Variants in EGFLAM observed in about 807,000 individuals in gnomAD.
EGFLAM encodes EGF like, fibronectin type III and laminin G domains, also known as pikachurin.
In EGFLAM, 79 loss-of-function variants were observed where a neutral mutation model predicts 113.1. The ratio of observed to expected loss-of-function variants is 0.70; its 90% CI spans 0.58 to 0.84. The LOEUF (loss-of-function observed/expected upper bound fraction) is 0.84, where lower values mean the gene tolerates loss of function less well. EGFLAM is among the 40% of genes least tolerant of loss of function. The pLI, the probability that EGFLAM is intolerant of heterozygous loss-of-function variation, is 0.00. For missense variants in EGFLAM, 1,265 were observed against 1,291.6 expected (o/e 0.98, Z 0.32); for synonymous variants, 504 against 487.6 (o/e 1.03, Z -0.44).
chr5:38,427,382 T>C, intron 14 of EGFLAM, 130 bp downstream of exon 14: 1 of 1,416,274 alleles, frequency 7.1e-7, no homozygotes, highest in East Asian at 2.3e-5. Context: ...CTTCTGAAAC[T>C]TGTCCTGACT....
At position 38,462,952 on chromosome 5, in the gene EGFLAM, G is replaced by A; in HGVS notation, c.2816G>A (p.Arg939Lys). Residue 939 changes from arginine to lysine, a missense_variant, in exon 21 of 22, where the codon AGA becomes AAA. Coordinates refer to ENST00000322350, the MANE Select transcript of EGFLAM (RefSeq NM_152403.4). ...GKITVDDYGA[R>K]TGKSPGMMRQ... ...ATAACCGTGGATGACTATGGAGCCA[G>A]AACAGGCAAATCCCCAGGCATGATG... 1 of 1,614,172 alleles carries A rather than the reference G, an allele frequency of 6.2e-7. No individual in the cohort carries two copies.
chr5:38,268,272 A>T (rs1370947340), intron 1 of EGFLAM, among the ~76,000 whole-genome samples: 1 of 152,174 alleles, frequency 6.6e-6, no homozygotes, highest in Non-Finnish European at 1.5e-5. Flanking sequence ...CCTTTCTAGG[A>T]AGCCCACCTC....
intron 1 of EGFLAM, among the ~76,000 whole-genome samples, chr5:38,298,418 A>G (rs1758498333): frequency 6.6e-6 from 1 of 152,148 alleles, no homozygotes; most frequent in Non-Finnish European, 1.5e-5. Flanking sequence ...CTGTACAAAT[A>G]GCTCCCTCAC....
At chr5:38,324,060 A>G (rs1433370379) in intron 1 of EGFLAM, among the ~76,000 whole-genome samples, 1 of 151,918 alleles carries the variant, frequency 6.6e-6, no homozygotes, top group African/African-American at 2.4e-5. Context: ...AAAAAAAAAA[A>G]AAAGCTTTAC....
intron 7 of EGFLAM, 151 bp downstream of exon 7, chr5:38,406,392 C>G: frequency 1.4e-6 from 1 of 700,106 alleles, no homozygotes. Flanking sequence ...TGATCAGTCT[C>G]CAGGTGCTGA....
chr5:38,356,972 C>T (rs112854898), intron 5 of EGFLAM, among the ~76,000 whole-genome samples: 2,834 of 152,244 alleles, frequency 0.019, 97 homozygotes, highest in African/African-American at 0.066. Context: ...GAGGGCAGAG[C>T]CCTCAGGAAT....
chr5:38,315,003 T>A (rs910738937), intron 1 of EGFLAM, among the ~76,000 whole-genome samples: 14 of 152,226 alleles, frequency 9.2e-5, no homozygotes, highest in African/African-American at 3.4e-4. Flanking sequence ...TCATTTGCTA[T>A]AATAGCCAAC....
intron 1 of EGFLAM, among the ~76,000 whole-genome samples, chr5:38,324,997 T>G (rs1166081676): frequency 1.3e-5 from 2 of 152,206 alleles, no homozygotes; most frequent in Non-Finnish European, 2.9e-5. Flanking sequence ...ATGTGGAATT[T>G]GAGAGGCCCA....
In EGFLAM at chr5:38,323,115, C is replaced by T. The variant is rs116821805; in HGVS notation, c.98-14405C>T. On this transcript the variant is annotated intron_variant, in intron 1 of 21. Transcript: ENST00000322350. ...TAGTTAGTCTGGGCATTCTCTATTG[C>T]ATCAGTGAATGTAACTTGGTTCTTT... Among the ~76,000 whole-genome samples the T allele has an allele frequency of 5.6e-3, 859 of 152,292 alleles. 10 individuals carry two copies. The highest frequency in any genetic ancestry group is 0.02 in the African/African-American group (828 of 41,562).
chr5:38,412,693 C>T (rs756384080), intron 11 of EGFLAM, 45 bp downstream of exon 11: 6 of 1,599,102 alleles, frequency 3.8e-6, no homozygotes, highest in Admixed American at 1.7e-5. Flanking sequence ...TACCACCCAC[C>T]ATAAGTCTCC....
intron 14 of EGFLAM, 122 bp from the exon 15 acceptor site, chr5:38,431,055 C>T: frequency 1.2e-6 from 1 of 805,958 alleles, no homozygotes. Context: ...GATTCAGATG[C>T]TCATCTCTAC....
rs543782279 is a variant in EGFLAM, at chr5:38,350,502, A to G, written c.293A>G (p.Glu98Gly). 5.2e-5 allele frequency: 84 copies of G among 1,613,678 alleles called. No homozygotes were observed. In the South Asian group the frequency reaches 7.9e-4, roughly 15 times the overall value. ...TCTTTCTTGTTTGGTCATTGACAGG[A>G]GGAAGTGATTGGAGATTTGAAACCA... ...VPLSRDIPTT[E>G]EVIGDLKPGT... The change falls in exon 4 of 22, where the codon GAG (glutamate) becomes GGG (glycine). Residue 98 changes from glutamate (E) to glycine (G), a missense_variant and splice_region_variant. By Grantham distance (98) the Glu-to-Gly change is moderately conservative. Coordinates refer to ENST00000322350, the MANE Select transcript of EGFLAM (RefSeq NM_152403.4).
At chr5:38,284,037 G>A (rs1758090161) in intron 1 of EGFLAM, 1 of 152,370 alleles carries the variant, frequency 6.6e-6, no homozygotes, top group Admixed American at 6.5e-5. Context: ...TGAAGACAGT[G>A]CATTTGTACA....
intron 1 of EGFLAM, among the ~76,000 whole-genome samples, chr5:38,325,499 CAAAG>C (rs1418745494): frequency 7.2e-5 from 11 of 152,248 alleles, no homozygotes; most frequent in Middle Eastern, 3.4e-3. Flanking sequence ...ATTTAGCAAC[CAAAG>C]AAAGATGATT....
chr5:38,448,179 A>G, intron 17 of EGFLAM, 122 bp from the exon 18 acceptor site: 2 of 1,059,940 alleles, frequency 1.9e-6, no homozygotes, highest in South Asian at 1.4e-5. Context: ...GCCGAAGGGA[A>G]GGGGCTGATG....
At chr5:38,377,927 T>C (rs1378193619) in intron 6 of EGFLAM, among the ~76,000 whole-genome samples, 1 of 152,194 alleles carries the variant, frequency 6.6e-6, no homozygotes, top group Non-Finnish European at 1.5e-5. Flanking sequence ...ACTTGATCAT[T>C]ATAATAAGCA....
chr5:38,385,654 ACACT>A lies in EGFLAM; in HGVS notation c.712+15196_712+15199del, dbSNP rs376917876. ...GTGCATATGTGCAAATGTGTCACAGACACTCACAGTACTCACCATTGCTAAATGC... is the reference window on the plus strand; with the variant it reads ...GTGCATATGTGCAAATGTGTCACAGACACAGTACTCACCATTGCTAAATGC... On this transcript the variant is annotated intron_variant, in intron 6 of 21. Transcript: ENST00000322350. Among the ~76,000 whole-genome samples the A allele has an allele frequency of 5.4e-4, 83 of 152,308 alleles. 4 individuals carry two copies. The South Asian group carries it at 0.015, about 27-fold the overall frequency.
chr5:38,310,404 A>T (rs1339886335), intron 1 of EGFLAM, among the ~76,000 whole-genome samples: 2 of 152,198 alleles, frequency 1.3e-5, no homozygotes, highest in Non-Finnish European at 2.9e-5. Context: ...TGAGGTGACT[A>T]TGAAGATTAA....
At chr5:38,383,990 C>CTGA (rs1204430205) in intron 6 of EGFLAM, among the ~76,000 whole-genome samples, 5 of 151,800 alleles carry the variant, frequency 3.3e-5, no homozygotes, top group African/African-American at 1.2e-4. Context: ...TCTTATAGGT[C>CTGA]CTGATGAAGA....
Sources: gnomAD v4.1 joint callset for allele counts (sites outside exome capture counted in the v4.1 genomes callset) on GRCh38, gnomAD v4.1.1 for gene constraint, MANE v1.5 for transcripts, NCBI Gene and HGNC (gene_info 2026-07-23, HGNC 2026-07-21) for gene names.